MGMT: variants seen among roughly 807,000 people sequenced by gnomAD.
MGMT encodes O-6-methylguanine-DNA methyltransferase, also known as methylated-DNA--protein-cysteine methyltransferase.
MGMT carries 14 observed loss-of-function variants against 15.9 expected under a neutral mutation model. That is an observed-to-expected ratio of 0.88 (90% CI 0.58 to 1.37). The LOEUF is 1.37. MGMT is among the 40% of genes most tolerant of loss of function. MGMT has a pLI of 0.00. For synonymous variants in MGMT, 130 were observed against 118.2 expected, an observed-to-expected ratio of 1.10 and a Z score of -0.65; for missense variants, 282 against 268.1, an observed-to-expected ratio of 1.05 and a Z score of -0.36.
At chr10:129,632,801 T>G (rs924844277) in intron 2 of MGMT, among the ~76,000 whole-genome samples, 4 of 133,640 alleles carry the variant, frequency 3.0e-5, no homozygotes, top group Admixed American at 2.9e-4. Context: ...AAAAGTCAAG[T>G]TCGGAAGATT....
At chr10:129,569,198 G>C (rs1045193256) in intron 2 of MGMT, among the ~76,000 whole-genome samples, 1 of 152,092 alleles carries the variant, frequency 6.6e-6, no homozygotes, top group Non-Finnish European at 1.5e-5. Context: ...TGCCTGCCTC[G>C]CAGGTTCAGA....
chr10:129,552,197 C>T (rs1260508498), intron 2 of MGMT, among the ~76,000 whole-genome samples: 3 of 152,372 alleles, frequency 2.0e-5, no homozygotes, highest in Admixed American at 1.3e-4. Flanking sequence ...CGCTCATGGC[C>T]GAGCGCCCCG....
intron 2 of MGMT, among the ~76,000 whole-genome samples, chr10:129,562,277 G>A (rs994754951): frequency 6.6e-6 from 1 of 152,164 alleles, no homozygotes; most frequent in African/African-American, 2.4e-5. Context: ...CCATGCAATG[G>A]TCTTTGGGAC....
chr10:129,489,875 T>C (rs907407397), intron 1 of MGMT, among the ~76,000 whole-genome samples: 1 of 59,006 alleles, frequency 1.7e-5, no homozygotes, highest in South Asian at 9.7e-4. Context: ...TTTTTCTACA[T>C]AGACAGAGTT....
chr10:129,501,584 ATTTACCT>A (rs1042861688), intron 1 of MGMT, among the ~76,000 whole-genome samples: 4 of 152,046 alleles, frequency 2.6e-5, no homozygotes, highest in African/African-American at 9.7e-5. Context: ...TAAGTCAGTC[ATTTACCT>A]CCCCATTCTT....
intron 3 of MGMT, 117 bp downstream of exon 3, chr10:129,708,160 C>A: frequency 7.2e-7 from 1 of 1,384,906 alleles, no homozygotes; most frequent in Non-Finnish European, 9.7e-7. Flanking sequence ...ATCAGCTAAA[C>A]AGAGGCAGCG....
At chr10:129,475,240 T>G (rs1028715401) in intron 1 of MGMT, among the ~76,000 whole-genome samples, 1 of 151,986 alleles carries the variant, frequency 6.6e-6, no homozygotes, top group African/African-American at 2.4e-5. Flanking sequence ...AGGCCACTGT[T>G]GCAGGCCTGG....
chr10:129,561,516 G>A (rs184039629), intron 2 of MGMT, among the ~76,000 whole-genome samples: 5 of 152,268 alleles, frequency 3.3e-5, no homozygotes, highest in South Asian at 2.1e-4. Flanking sequence ...TAAACAATGC[G>A]CCAAATGTTA....
intron 2 of MGMT, among the ~76,000 whole-genome samples, chr10:129,561,600 T>C (rs1846279662): frequency 6.6e-6 from 1 of 152,242 alleles, no homozygotes; most frequent in Non-Finnish European, 1.5e-5. Context: ...AGGTCATAGT[T>C]GTCTGTGAGG....
intron 2 of MGMT, among the ~76,000 whole-genome samples, chr10:129,680,225 T>C (rs1340074572): frequency 6.6e-6 from 1 of 152,152 alleles, no homozygotes. Flanking sequence ...TTAAGGTTGG[T>C]GAATTGTACA....
At chr10:129,689,290 C>G (rs964249982) in intron 2 of MGMT, among the ~76,000 whole-genome samples, 2 of 152,160 alleles carry the variant, frequency 1.3e-5, no homozygotes, top group South Asian at 4.1e-4. Context: ...TTCACTTTGT[C>G]CCATAAAAAT....
intron 2 of MGMT, among the ~76,000 whole-genome samples, chr10:129,664,673 A>G (rs1473937900): frequency 1.3e-5 from 2 of 152,160 alleles, no homozygotes; most frequent in East Asian, 3.8e-4. Context: ...GGGGGCAGCA[A>G]AGACACAAAA....
chr10:129,499,033 T>C lies in MGMT; in HGVS notation c.-13+31737T>C, dbSNP rs559365980. The stretch of plus-strand genomic sequence containing the variant: ...TATTCTAATCTCTGCCTTTCCTCTT[T>C]GTAGCTGCCTTCTCCAACATTGAGA... On this transcript the variant is annotated intron_variant, in intron 1 of 4. Transcript: ENST00000651593. 4.6e-5 allele frequency among the ~76,000 whole-genome samples: 7 copies of C among 152,372 alleles called. No homozygotes were observed. In the East Asian group the frequency reaches 1.4e-3, roughly 29 times the overall value.
chr10:129,518,778 C>T (rs1169991928), intron 1 of MGMT, among the ~76,000 whole-genome samples: 1 of 151,152 alleles, frequency 6.6e-6, no homozygotes, highest in African/African-American at 2.4e-5. Flanking sequence ...TTAAGACTTC[C>T]ATTCAACAGT....
chr10:129,551,242 G>A (rs897101198), intron 2 of MGMT, among the ~76,000 whole-genome samples: 2 of 152,184 alleles, frequency 1.3e-5, no homozygotes, highest in African/African-American at 4.8e-5. Context: ...CTGAAGAAAG[G>A]CACTGTTTTT....
intron 2 of MGMT, among the ~76,000 whole-genome samples, chr10:129,695,796 G>C (rs1207286199): frequency 6.6e-6 from 1 of 152,218 alleles, no homozygotes; most frequent in Admixed American, 6.5e-5. Context: ...CAGGCGAGGA[G>C]CTCAGAGGGC....
intron 1 of MGMT, among the ~76,000 whole-genome samples, chr10:129,534,073 C>T (rs907934175): frequency 2.0e-5 from 3 of 152,260 alleles, no homozygotes; most frequent in East Asian, 1.9e-4. Context: ...CCTCTAAACT[C>T]GTGCCGACGT....
At chr10:129,729,350 G>A (rs946061950) in intron 3 of MGMT, among the ~76,000 whole-genome samples, 1 of 152,120 alleles carries the variant, frequency 6.6e-6, no homozygotes, top group Non-Finnish European at 1.5e-5. Flanking sequence ...TGCTAGCCTG[G>A]CCCCTCTGCC....
chr10:129,645,720 G>A (rs1357405534), intron 2 of MGMT, among the ~76,000 whole-genome samples: 1 of 152,230 alleles, frequency 6.6e-6, no homozygotes, highest in African/African-American at 2.4e-5. Context: ...GCCACTTCTT[G>A]TGGACACGTT....
Sources: gnomAD v4.1 joint callset for allele counts (sites outside exome capture counted in the v4.1 genomes callset) on GRCh38, gnomAD v4.1.1 for gene constraint, MANE v1.5 for transcripts, NCBI Gene and HGNC (gene_info 2026-07-23, HGNC 2026-07-21) for gene names.